Variants in SUMF2 observed in about 807,000 individuals in gnomAD.
SUMF2 encodes the protein sulfatase modifying factor 2.
SUMF2 carries 45 observed loss-of-function variants against 44.8 expected under a neutral mutation model. The observed-to-expected ratio is 1.00, with a 90% CI of 0.79 to 1.29. SUMF2 has a LOEUF of 1.29. Ranked by LOEUF, SUMF2 falls within the 50% of genes most tolerant of loss-of-function variation. The pLI, the probability that SUMF2 is intolerant of heterozygous loss-of-function variation, is 0.00. For synonymous variants in SUMF2, 148 were observed against 150.4 expected, an observed-to-expected ratio of 0.98 and a Z score of 0.12; for missense variants, 418 against 389.9, an observed-to-expected ratio of 1.07 and a Z score of -0.61.
In SUMF2 at chr7:56,075,855, AGTTTTTT is replaced by A. The variant is rs202078811; in HGVS notation, c.536-959_536-953del. Among the ~76,000 whole-genome samples the A allele has an allele frequency of 5.9e-4, 89 of 152,068 alleles. 1 individual carries two copies. The East Asian group carries it at 7.0e-3, about 12-fold the overall frequency. ...GAACACCAGGTACATCAGTGATCAA[AGTTTTTT>A]GTTTTTTGTTTTTTGTTTTGAGACA... is the stretch of plus-strand genomic sequence containing the variant. On this transcript the variant is annotated intron_variant, in intron 5 of 8. Coordinates refer to ENST00000434526, the MANE Select transcript of SUMF2 (RefSeq NM_015411.4).
chr7:56,080,913 C>G, downstream of SUMF2: 5 of 926,090 alleles, frequency 5.4e-6, no homozygotes, highest in Non-Finnish European at 8.0e-6. Flanking sequence ...GAGAGGGGAT[C>G]GTGGCCTCAG....
chr7:56,074,068 A>G (rs765529806), intron 3 of SUMF2, 106 bp from the exon 4 acceptor site: 35 of 787,012 alleles, frequency 4.4e-5, no homozygotes, highest in Non-Finnish European at 6.4e-5. Context: ...CACTTAGACC[A>G]CCTGAGTCTC....
In SUMF2 at chr7:56,074,648, G is replaced by C; in HGVS notation, c.447G>C (p.Trp149Cys). The C allele has an allele frequency of 6.2e-7, 1 of 1,614,196 alleles. No individual in the cohort carries two copies. The highest frequency in any genetic ancestry group is 8.5e-7 in the Non-Finnish European group (1 of 1,180,032). The stretch of plus-strand genomic sequence containing the variant: ...AGCACCCAGTGTTACACGTGAGCTG[G>C]AATGACGCCCGTGCCTACTGTGCTT... The part of the protein sequence containing the change: ...RLEHPVLHVS[W>C]NDARAYCAWR... The change falls in exon 5 of 9, where the codon TGG (tryptophan) becomes TGC (cysteine). Residue 149 changes from tryptophan to cysteine, a missense_variant. By Grantham distance (215) the Trp-to-Cys change is radical. Coordinates refer to ENST00000434526, the MANE Select transcript of SUMF2 (RefSeq NM_015411.4).
downstream of SUMF2, among the ~76,000 whole-genome samples, chr7:56,083,973 GTTTCTCCCCTGACTGAA>G (rs1796141236): frequency 6.6e-6 from 1 of 152,114 alleles, no homozygotes; most frequent in Non-Finnish European, 1.5e-5. Flanking sequence ...ATAGGCCTAG[GTTTCTCCCCTGACTGAA>G]TTTTTCCCCT....
chr7:56,086,377 A>C, the SUMF2 span, among the ~76,000 whole-genome samples: 1 of 152,006 alleles, frequency 6.6e-6, no homozygotes, highest in African/African-American at 2.4e-5. Context: ...TAGAACAATT[A>C]TATCACTATA....
At chr7:56,087,089 C>T in the SUMF2 span, 9 of 1,292,540 alleles carry the variant, frequency 7.0e-6, no homozygotes, top group Middle Eastern at 2.4e-4. Context: ...AGCCGGGGCA[C>T]GGGGGTCAGG....
rs1584606343 is a variant in SUMF2, at chr7:56,078,626, C to T, written c.821+118C>T. Reference sequence around the variant, plus strand: ...AACCGTCTGTGTGTGATGAGCTGGTCCCAGCACCTCCCTGAGCCTGTGCCC... The same window carrying T: ...AACCGTCTGTGTGTGATGAGCTGGTTCCAGCACCTCCCTGAGCCTGTGCCC... On this transcript the variant is annotated intron_variant, in intron 8 of 8. Transcript: ENST00000434526. 2.5e-6 allele frequency: 3 copies of T among 1,201,196 alleles called. No individual in the cohort carries two copies. In the East Asian group the frequency reaches 8.4e-5, roughly 34 times the overall value. The allele number at this position is 1,201,196 out of a possible 1,614,324, so 74.4% of individuals were successfully genotyped here.
the SUMF2 span, chr7:56,087,565 C>T: frequency 2.5e-6 from 4 of 1,594,328 alleles, no homozygotes; most frequent in Non-Finnish European, 3.4e-6. Context: ...CACAGGGGGG[C>T]ACCCTGCCGT....
chr7:56,065,631 G>T (rs1295833011), intron 1 of SUMF2, among the ~76,000 whole-genome samples: 1 of 151,984 alleles, frequency 6.6e-6, no homozygotes, highest in African/African-American at 2.4e-5. Context: ...GGGGGGCAAG[G>T]TCTCGACGTG....
intron 3 of SUMF2, 100 bp downstream of exon 3, chr7:56,073,211 C>T (rs759692504): frequency 3.3e-6 from 3 of 902,602 alleles, no homozygotes; most frequent in East Asian, 5.0e-5. Flanking sequence ...AGAATCAGAC[C>T]TGAGAGGTGG....
At chr7:56,076,806 C>G in intron 5 of SUMF2, 28 bp from the exon 6 acceptor site, 1 of 1,575,798 alleles carries the variant, frequency 6.3e-7, no homozygotes, top group Non-Finnish European at 8.6e-7. Flanking sequence ...CCTCCCCCTC[C>G]TCTGCTGCCT....
downstream of SUMF2, chr7:56,083,488 G>A (rs201881589): frequency 1.9e-6 from 3 of 1,603,428 alleles, no homozygotes; most frequent in South Asian, 1.1e-5. Context: ...TCAGGGTCAG[G>A]TAACAGGCAG....
chr7:56,082,235 C>G (rs1275135815), downstream of SUMF2: 5 of 1,613,582 alleles, frequency 3.1e-6, no homozygotes, highest in Non-Finnish European at 4.2e-6. Context: ...GGCCAGGTAA[C>G]TGGGGGTCCC....
At chr7:56,074,252 C>T in intron 4 of SUMF2, 34 bp downstream of exon 4, 1 of 1,603,276 alleles carries the variant, frequency 6.2e-7, no homozygotes, top group South Asian at 1.1e-5. Flanking sequence ...ATTTTCTACC[C>T]CTGCTTGACT....
chr7:56,076,920 A>G (rs202066572), intron 6 of SUMF2, 31 bp downstream of exon 6: 1 of 1,593,108 alleles, frequency 6.3e-7, no homozygotes, highest in East Asian at 2.3e-5. Flanking sequence ...TTCACCAAGC[A>G]TTGACAGAGA....
the SUMF2 span, chr7:56,087,579 G>A: frequency 6.2e-7 from 1 of 1,607,860 alleles, no homozygotes; most frequent in Non-Finnish European, 8.5e-7. Context: ...CTGCCGTGTG[G>A]CTTGGGGCCA....
chr7:56,084,077 G>T, downstream of SUMF2: 1 of 837,114 alleles, frequency 1.2e-6, no homozygotes. Context: ...CATTACCCTA[G>T]TTCCAGGCCA....
chr7:56,084,710 A>T (rs2117564286), downstream of SUMF2, among the ~76,000 whole-genome samples: 1 of 152,232 alleles, frequency 6.6e-6, no homozygotes, highest in Non-Finnish European at 1.5e-5. Context: ...AAATGGGAAG[A>T]ATCGGCTGTG....
chr7:56,065,120 G>A (rs1158504967), intron 1 of SUMF2, among the ~76,000 whole-genome samples: 1 of 150,382 alleles, frequency 6.6e-6, no homozygotes, highest in Non-Finnish European at 1.5e-5. Context: ...TGAACCCCGG[G>A]GGGTGGAGCC....
Sources: gnomAD v4.1 joint callset for allele counts (sites outside exome capture counted in the v4.1 genomes callset) on GRCh38, gnomAD v4.1.1 for gene constraint, MANE v1.5 for transcripts, NCBI Gene and HGNC (gene_info 2026-07-23, HGNC 2026-07-21) for gene names.